The following CABLES1 variants were observed in gnomAD, a reference collection of about 807,000 sequenced individuals.
CABLES1 encodes the protein Cdk5 and Abl enzyme substrate 1, also known as CDK5 and ABL1 enzyme substrate 1.
A neutral mutation model predicts 57.8 loss-of-function variants in CABLES1; 36 were observed. The observed-to-expected ratio is 0.62, with a 90% CI of 0.48 to 0.82. The LOEUF is 0.82. CABLES1 is among the 40% of genes least tolerant of loss of function. The probability of loss-of-function intolerance (pLI) is 0.00; values close to 1 mark genes in which losing one functional copy is unlikely to be tolerated. For synonymous variants in CABLES1, 374 were observed against 363.0 expected, an observed-to-expected ratio of 1.03 and a Z score of -0.35; for missense variants, 767 against 836.6, an observed-to-expected ratio of 0.92 and a Z score of 1.03.
rs1193387950 is a variant in CABLES1 at position 23,213,291 on chromosome 18, A to T, written c.1011-686A>T. ...CTTCCACTCATTTCTCCAGTTTTTC[A>T]TCAGCAGTTCCCTTTGGCAAAAGTT... On this transcript the variant is annotated intron_variant, in intron 3 of 9. Coordinates refer to ENST00000256925, the MANE Select transcript of CABLES1 (RefSeq NM_001100619.3). 1.3e-5 allele frequency among the ~76,000 whole-genome samples: 2 copies of T among 152,172 alleles called. 1 individual carries two copies. Among genetic ancestry groups the T allele is most frequent in the Admixed American group, 1.3e-4 (2 of 15,276 alleles).
In CABLES1 at chr18:23,136,607, G is replaced by GGT; in HGVS notation, c.845+2_845+3dup. The GGT allele has an allele frequency of 1.4e-6, 2 of 1,429,618 alleles. No homozygotes were observed. The highest frequency in any genetic ancestry group is 1.8e-6 in the Non-Finnish European group (2 of 1,092,514). The allele number at this position is 1,429,618 out of a possible 1,614,324, so 88.6% of individuals were successfully genotyped here. A position where few individuals can be genotyped will look rare whatever the true frequency, so the allele number is the denominator to read the frequency against. On this transcript the variant is annotated frameshift_variant and splice_region_variant. Transcript: ENST00000256925. LOFTEE classifies it high-confidence loss of function. ...GCCTTCGAGCAGCTGCAGAGGTCCC[G>GGT]GTGAGTATCCGGGATGCGACGCGCA... is the stretch of plus-strand genomic sequence containing the variant.
chr18:23,246,441 A>C (rs550816604), intron 7 of CABLES1, among the ~76,000 whole-genome samples: 1 of 151,590 alleles, frequency 6.6e-6, no homozygotes, highest in African/African-American at 2.4e-5. Flanking sequence ...GCCCAGGCTG[A>C]AGTGCAGTGG....
chr18:23,177,574 G>A (rs2047133605), intron 1 of CABLES1, among the ~76,000 whole-genome samples: 1 of 152,120 alleles, frequency 6.6e-6, no homozygotes, highest in Non-Finnish European at 1.5e-5. Context: ...CTCTGATTGC[G>A]AGCCTGTCTG....
rs941053404 is a variant in CABLES1, at chr18:23,253,550, G to T, written c.1554-179G>T. ...CCAACAGAGAAGAGGCCAAAGCCCA[G>T]CTATGTAAATCTGCTCCCCATGCAT... On this transcript the variant is annotated intron_variant, in intron 8 of 9. Transcript: ENST00000256925. Among the ~76,000 whole-genome samples the T allele has an allele frequency of 2.0e-5, 3 of 152,180 alleles. No individual in the cohort carries two copies. The East Asian group carries it at 5.8e-4, about 29-fold the overall frequency.
intron 4 of CABLES1, chr18:23,219,163 G>C: frequency 2.2e-6 from 1 of 454,140 alleles, no homozygotes; most frequent in East Asian, 6.9e-5. Flanking sequence ...TGTGTGCTGG[G>C]CACTGCCATC....
chr18:23,140,879 G>A (rs776772206), intron 1 of CABLES1, among the ~76,000 whole-genome samples: 8 of 152,268 alleles, frequency 5.3e-5, no homozygotes, highest in East Asian at 3.9e-4. Context: ...GTTTGACCCC[G>A]GTGGGTTAAT....
chr18:23,232,899 C>CT (rs2047576625), intron 4 of CABLES1, among the ~76,000 whole-genome samples: 1 of 152,070 alleles, frequency 6.6e-6, no homozygotes, highest in East Asian at 1.9e-4. Flanking sequence ...TGGAGGATAG[C>CT]TTTTTTCCCT....
intron 2 of CABLES1, among the ~76,000 whole-genome samples, chr18:23,191,267 A>C (rs2047241173): frequency 6.6e-6 from 1 of 152,120 alleles, no homozygotes; most frequent in African/African-American, 2.4e-5. Context: ...AGAACTTAAA[A>C]AGCATAACTG....
At chr18:23,164,452 T>A (rs578069738) in intron 1 of CABLES1, among the ~76,000 whole-genome samples, 1 of 150,552 alleles carries the variant, frequency 6.6e-6, no homozygotes, top group South Asian at 2.1e-4. Context: ...TCCTTGGTAT[T>A]TTTTTTTTAA....
chr18:23,191,286 T>G (rs796811000), intron 2 of CABLES1, among the ~76,000 whole-genome samples: 8 of 152,310 alleles, frequency 5.3e-5, no homozygotes, highest in African/African-American at 1.9e-4. Flanking sequence ...TGTTCTCATA[T>G]TTACTTAGAC....
chr18:23,190,302 C>T (rs933421920), intron 2 of CABLES1: 3 of 152,196 alleles, frequency 2.0e-5, no homozygotes, highest in African/African-American at 4.8e-5. Flanking sequence ...ACTCCTGCCA[C>T]AGGAAAATCC....
chr18:23,136,675 T>C (rs2144942317), intron 1 of CABLES1, 68 bp downstream of exon 1: 1 of 1,058,380 alleles, frequency 9.4e-7, no homozygotes, highest in Non-Finnish European at 1.3e-6. Flanking sequence ...CTCCCCGCGG[T>C]CTCTGGGCTA....
chr18:23,156,941 C>T (rs1251186370), intron 1 of CABLES1, among the ~76,000 whole-genome samples: 5 of 152,096 alleles, frequency 3.3e-5, no homozygotes, highest in Admixed American at 1.3e-4. Flanking sequence ...AAGAAAAAGA[C>T]AAGAATGAGC....
At chr18:23,230,769 C>A (rs1331390227) in intron 4 of CABLES1, among the ~76,000 whole-genome samples, 2 of 152,172 alleles carry the variant, frequency 1.3e-5, no homozygotes, top group Non-Finnish European at 2.9e-5. Flanking sequence ...TTCCTCCCTC[C>A]CCATCTCCAG....
intron 3 of CABLES1, among the ~76,000 whole-genome samples, chr18:23,203,150 T>C (rs1304235482): frequency 1.3e-5 from 2 of 152,146 alleles, no homozygotes; most frequent in African/African-American, 4.8e-5. Flanking sequence ...TTCATGTGGG[T>C]GTCTCCTCCC....
At chr18:23,214,396 C>A (rs763105012) in intron 4 of CABLES1, among the ~76,000 whole-genome samples, 3 of 152,128 alleles carry the variant, frequency 2.0e-5, no homozygotes, top group Non-Finnish European at 2.9e-5. Flanking sequence ...AGGAAGAAAT[C>A]AGAACAAACC....
intron 5 of CABLES1, among the ~76,000 whole-genome samples, chr18:23,235,215 G>A (rs1268538994): frequency 6.6e-6 from 1 of 152,202 alleles, no homozygotes; most frequent in Non-Finnish European, 1.5e-5. Context: ...TGCCCTTTGT[G>A]CAGGGTCCAG....
At chr18:23,156,407 G>T (rs1051413169) in intron 1 of CABLES1, among the ~76,000 whole-genome samples, 3 of 152,236 alleles carry the variant, frequency 2.0e-5, no homozygotes, top group African/African-American at 7.2e-5. Flanking sequence ...CACCAAGATT[G>T]TGTGTTTCCT....
At chr18:23,140,517 A>G (rs544826516) in intron 1 of CABLES1, among the ~76,000 whole-genome samples, 1 of 151,334 alleles carries the variant, frequency 6.6e-6, no homozygotes, top group South Asian at 2.1e-4. Flanking sequence ...GCTCACGGCA[A>G]CCTCTGCCTC....
Sources: allele counts gnomAD v4.1 joint callset (sites outside exome capture counted in the v4.1 genomes callset), GRCh38; gene constraint gnomAD v4.1.1; transcripts MANE v1.5; gene names NCBI Gene and HGNC (gene_info 2026-07-23, HGNC 2026-07-21).